Variants in OPA1 observed in about 807,000 individuals in gnomAD.
The protein encoded by OPA1 is dynamin-like GTPase OPA1, mitochondrial.
Under a neutral mutation model 152.9 loss-of-function variants are expected in OPA1, and 59 were observed. That is an observed-to-expected ratio of 0.39 (90% confidence interval 0.31 to 0.48). OPA1 has a LOEUF of 0.48. Ranked by LOEUF, OPA1 falls within the 20% of genes least tolerant of loss-of-function variation. The pLI is 0.96. For synonymous variants in OPA1, 400 were observed against 389.9 expected (o/e 1.03, Z -0.31); for missense variants, 1,008 against 1,216.8 (o/e 0.83, Z 2.55).
At chr3:193,630,579 T>C (rs1226588300) in intron 7 of OPA1, among the ~76,000 whole-genome samples, 1 of 152,222 alleles carries the variant, frequency 6.6e-6, no homozygotes, top group Non-Finnish European at 1.5e-5. Context: ...TGTGTTGTGA[T>C]TGCTTAAATA....
intron 3 of OPA1, among the ~76,000 whole-genome samples, chr3:193,616,563 C>T (rs906041799): frequency 5.9e-5 from 9 of 152,070 alleles, no homozygotes; most frequent in Admixed American, 2.0e-4. Flanking sequence ...GATTGGATAC[C>T]TTGGTTATCT....
intron 16 of OPA1, 36 bp downstream of exon 16, chr3:193,644,141 T>A (rs764013537): frequency 2.4e-5 from 39 of 1,610,718 alleles, no homozygotes; most frequent in Non-Finnish European, 2.2e-5. Context: ...AATAGATTCT[T>A]TGTAAAAGCT....
In OPA1 at chr3:193,697,339, T is replaced by C. The variant is rs1349323863; in HGVS notation, c.*2739T>C. On this transcript the variant is annotated 3_prime_UTR_variant, in exon 31 of 31. Transcript: ENST00000361510. ...CTTTAAAATATGCTTACCTTTTGAA[T>C]GATCATGGCTATATGTTGTTGAGAT... The C allele has an allele frequency of 2.0e-5, 3 of 152,238 alleles. No individual in the cohort carries two copies. The highest frequency in any genetic ancestry group is 2.0e-4 in the Admixed American group (3 of 15,292). 9.4% of individuals were successfully genotyped at this position (152,238 alleles called of 1,614,324 possible). A position where few individuals can be genotyped will look rare whatever the true frequency, so the allele number is the denominator to read the frequency against.
At chr3:193,649,001 A>G in intron 21 of OPA1, 130 bp downstream of exon 21, 1 of 654,770 alleles carries the variant, frequency 1.5e-6, no homozygotes, top group Non-Finnish European at 2.7e-6. Context: ...GTAATAGTAT[A>G]TTTTTTTGGC....
intron 9 of OPA1, among the ~76,000 whole-genome samples, chr3:193,636,685 C>T (rs1732999289): frequency 6.6e-6 from 1 of 152,150 alleles, no homozygotes; most frequent in Non-Finnish European, 1.5e-5. Flanking sequence ...TTTCAGCCTG[C>T]CCAGTTGTCA....
chr3:193,644,837 TC>T (rs988011984), intron 16 of OPA1, among the ~76,000 whole-genome samples: 32 of 152,260 alleles, frequency 2.1e-4, no homozygotes, highest in African/African-American at 7.2e-4. Flanking sequence ...CTTATTTCAG[TC>T]CTTTTTGTAT....
intron 21 of OPA1, among the ~76,000 whole-genome samples, chr3:193,651,731 T>G (rs529053983): frequency 6.6e-6 from 1 of 152,174 alleles, no homozygotes; most frequent in Non-Finnish European, 1.5e-5. Flanking sequence ...TAAAACAGTA[T>G]GTATAATTAT....
In OPA1 at chr3:193,662,918, C is replaced by T. The variant is rs143252541; in HGVS notation, c.2617C>T (p.Arg873Trp). ...TGCAAGTGATGAAATAACCACAGTC[C>T]GGAAGAACCTTGAATCCCGAGGAGT... ...YLASDEITTV[R>W]KNLESRGVEV... Residue 873 changes from arginine (R) to tryptophan (W), a missense_variant, in exon 26 of 31, where the codon CGG becomes TGG. Physicochemically the swap from Arg to Trp is moderately radical, Grantham distance 101. Coordinates refer to ENST00000361510, the MANE Select transcript of OPA1 (RefSeq NM_130837.3). 2.7e-5 allele frequency: 44 copies of T among 1,613,388 alleles called. No homozygotes were observed. Among genetic ancestry groups the T allele is most frequent in the African/African-American group, 1.3e-5 (1 of 74,840 alleles).
chr3:193,676,979 CAAAA>C (rs151218523), intron 29 of OPA1, among the ~76,000 whole-genome samples: 1,312 of 70,698 alleles, frequency 0.019, 18 homozygotes, highest in African/African-American at 0.072. Flanking sequence ...AGACTCGTCT[CAAAA>C]AAAAAAAAAA....
At chr3:193,636,758 T>C (rs1054689496) in intron 9 of OPA1, among the ~76,000 whole-genome samples, 5 of 152,164 alleles carry the variant, frequency 3.3e-5, no homozygotes, top group Non-Finnish European at 2.9e-5. Context: ...ATTCAGATGC[T>C]TGCTTGCACG....
chr3:193,606,662 A>G (rs1365893152), intron 1 of OPA1, among the ~76,000 whole-genome samples: 2 of 152,102 alleles, frequency 1.3e-5, no homozygotes, highest in African/African-American at 4.8e-5. Context: ...AATCCAGTCT[A>G]TCATTGTTGG....
chr3:193,630,966 A>G (rs1482680495), intron 7 of OPA1, among the ~76,000 whole-genome samples: 2 of 152,156 alleles, frequency 1.3e-5, no homozygotes, highest in Non-Finnish European at 2.9e-5. Flanking sequence ...TAGTTGCTTT[A>G]CTTGGCTTCA....
intron 29 of OPA1, among the ~76,000 whole-genome samples, chr3:193,685,533 C>T (rs1395827930): frequency 6.6e-6 from 1 of 152,160 alleles, no homozygotes; most frequent in Non-Finnish European, 1.5e-5. Context: ...ACATCTATTA[C>T]ATAGCAAGCA....
intron 27 of OPA1, among the ~76,000 whole-genome samples, chr3:193,665,774 T>G (rs1716382967): frequency 6.6e-6 from 1 of 152,178 alleles, no homozygotes; most frequent in South Asian, 2.1e-4. Flanking sequence ...ATTTTAATTG[T>G]AGAGTGAACT....
chr3:193,635,367 T>C, intron 8 of OPA1, 51 bp from the exon 9 acceptor site: 1 of 1,099,848 alleles, frequency 9.1e-7, no homozygotes, highest in Non-Finnish European at 1.4e-6. Flanking sequence ...CTTAATACTA[T>C]TTGATAACCC....
At chr3:193,676,932 G>A (rs1719176915) in intron 29 of OPA1, among the ~76,000 whole-genome samples, 1 of 135,864 alleles carries the variant, frequency 7.4e-6, no homozygotes, top group African/African-American at 2.8e-5. Context: ...GGTGAGCCGA[G>A]ATCGCGCCAC....
chr3:193,675,920 C>G lies in OPA1; in HGVS notation c.2983+8640C>G, dbSNP rs527395525. ...TGGGGGGAACTAACTCTTTTCATCCCAAGGAAACTTTCTTCTACTCTGTCT... is the reference window on the plus strand; with the variant it reads ...TGGGGGGAACTAACTCTTTTCATCCGAAGGAAACTTTCTTCTACTCTGTCT... On this transcript the variant is annotated intron_variant, in intron 29 of 30. Coordinates refer to ENST00000361510, the MANE Select transcript of OPA1 (RefSeq NM_130837.3). 3.3e-5 allele frequency among the ~76,000 whole-genome samples: 5 copies of G among 152,284 alleles called. No homozygotes were observed. The South Asian group carries it at 1.0e-3, about 32-fold the overall frequency.
chr3:193,684,762 T>A (rs887607941), intron 29 of OPA1, among the ~76,000 whole-genome samples: 5 of 152,046 alleles, frequency 3.3e-5, no homozygotes, highest in Non-Finnish European at 5.9e-5. Flanking sequence ...AGTACTATTT[T>A]TATTAGTTAA....
At chr3:193,624,495 A>G (rs1337648346) in intron 6 of OPA1, among the ~76,000 whole-genome samples, 3 of 152,198 alleles carry the variant, frequency 2.0e-5, no homozygotes, top group Non-Finnish European at 2.9e-5. Flanking sequence ...GAAAGAAAAT[A>G]AATCAGGTTA....
Sources: allele counts gnomAD v4.1 joint callset (sites outside exome capture counted in the v4.1 genomes callset), GRCh38; gene constraint gnomAD v4.1.1; transcripts MANE v1.5; gene names NCBI Gene and HGNC (gene_info 2026-07-23, HGNC 2026-07-21).